The following HOOK2 variants were observed in gnomAD, a reference collection of about 807,000 sequenced individuals.
HOOK2 encodes the protein protein Hook homolog 2.
HOOK2 carries 108 observed loss-of-function variants against 111.9 expected under a neutral mutation model. The observed-to-expected ratio is 0.96, with a 90% CI of 0.83 to 1.13. The LOEUF (loss-of-function observed/expected upper bound fraction) is 1.13, where lower values mean the gene tolerates loss of function less well. HOOK2 is among the 50% of genes most tolerant of loss of function. The pLI, the probability that HOOK2 is intolerant of heterozygous loss-of-function variation, is 0.00. For missense variants in HOOK2, 978 were observed against 951.3 expected (o/e 1.03, Z -0.37); for synonymous variants, 405 against 394.3 (o/e 1.03, Z -0.32).
intron 15 of HOOK2, 24 bp downstream of exon 15, chr19:12,766,079 G>GC: frequency 6.2e-7 from 1 of 1,603,338 alleles, no homozygotes. Context: ...CCTGCTCCGC[G>GC]CAGGTAGGTC....
At position 12,791,710 on chromosome 19, in the gene HOOK2, C is replaced by T. The variant is rs1408041711; in HGVS notation, n.42-17485G>A. The T allele has an allele frequency of 1.6e-5, 20 of 1,277,470 alleles. No individual in the cohort carries two copies. The highest frequency in any genetic ancestry group is 3.9e-4 in the Middle Eastern group (2 of 5,138). The allele number at this position is 1,277,470 out of a possible 1,614,324, so 79.1% of individuals were successfully genotyped here. On this transcript the variant is annotated intron_variant and non_coding_transcript_variant, in intron 3 of 3. Transcript: ENST00000589765. The surrounding 1 kb of genome is among the most constrained non-coding windows in gnomAD (Gnocchi z 7.0). ...TCACCGCAGCGGAGAGCTCGCCGCT[C>T]GCTGCAGCGAGGCCCGGAGCGGCCC...
chr19:12,775,284 A>C, intron 1 of HOOK2, 121 bp downstream of exon 1: 29 of 1,486,022 alleles, frequency 2.0e-5, no homozygotes, highest in Non-Finnish European at 2.5e-5. Context: ...CCAACGGTCC[A>C]GCAAGTCGAC....
chr19:12,775,224 C>T, intron 1 of HOOK2, 181 bp downstream of exon 1: 3 of 985,390 alleles, frequency 3.0e-6, no homozygotes, highest in Non-Finnish European at 3.6e-6. Flanking sequence ...CTCACCTGTC[C>T]TTTCCACGCA....
chr19:12,772,590 G>C (rs1188688847), intron 6 of HOOK2, 23 bp downstream of exon 6: 3 of 1,612,184 alleles, frequency 1.9e-6, no homozygotes, highest in Middle Eastern at 1.7e-4. Flanking sequence ...TTTTCCAATT[G>C]CACACTGAGT....
At position 12,771,385 on chromosome 19, in the gene HOOK2, C is replaced by G; in HGVS notation, c.600+12G>C. 6.2e-7 allele frequency: 1 copy of G among 1,612,424 alleles called. No homozygotes were observed. The highest frequency in any genetic ancestry group is 8.5e-7 in the Non-Finnish European group (1 of 1,179,350). On this transcript the variant is annotated intron_variant, in intron 8 of 22. Coordinates refer to ENST00000397668, the MANE Select transcript of HOOK2 (RefSeq NM_013312.3). ...GGCTACTCAAGTGACCCTGCCCCACCTAGGGCCCTACCTGCCGCTCCAGAT... is the reference window on the plus strand; with the variant it reads ...GGCTACTCAAGTGACCCTGCCCCACGTAGGGCCCTACCTGCCGCTCCAGAT...
Position 12,771,230 on chromosome 19 carries a change from G to T in HOOK2, c.690C>A (p.Thr230=). 1 of 1,611,152 alleles carries T rather than the reference G, an allele frequency of 6.2e-7. No individual in the cohort carries two copies. The highest frequency in any genetic ancestry group is 8.5e-7 in the Non-Finnish European group (1 of 1,178,792). Residue 230 remains threonine, a synonymous_variant, in exon 9 of 23, where the codon ACC becomes ACA. Transcript: ENST00000397668. ...ERMGRPEGEG[T]PGLTAKKLLL... ...GCAGCTTCTTGGCAGTGAGACCTGG[G>T]GTACCCTCGCCTTCAGGCCGGCCCA...
At chr19:12,775,602 C>T, upstream of HOOK2, 1 of 636,978 alleles carries the variant, frequency 1.6e-6, no homozygotes, top group Admixed American at 4.5e-5. Context: ...GCCCCGCCCC[C>T]AAGCCCAGGC....
rs1248636646 is a variant in HOOK2, at chr19:12,765,986, G to C, written c.1540C>G (p.Arg514Gly). ...TTCTGCAGGTCCTCCACCTGGGCCC[G>C]CAGCTCGGATAGCTGCTGCTGGTTC... ...RLNQQQLSELRAQVEDLQKAL... is the reference protein window; with the variant it reads ...RLNQQQLSELGAQVEDLQKAL... The change falls in exon 16 of 23, where the codon CGG becomes GGG. Residue 514 changes from arginine (R) to glycine (G), a missense_variant. This residue lies in a region of HOOK2 where 5 missense variants were observed against 19.0 expected (regional missense o/e 0.26). Transcript: ENST00000397668. 6.2e-7 allele frequency: 1 copy of C among 1,613,798 alleles called. No individual in the cohort carries two copies. The highest frequency in any genetic ancestry group is 2.2e-5 in the East Asian group (1 of 44,892).
rs772682915 is a variant in HOOK2 at position 12,764,801 on chromosome 19, C to T, written c.1827+13G>A. On this transcript the variant is annotated intron_variant, in intron 20 of 22. Coordinates refer to ENST00000397668, the MANE Select transcript of HOOK2 (RefSeq NM_013312.3). The stretch of plus-strand genomic sequence containing the variant: ...CAGGGCAGGCAACTTGTGGGAACAC[C>T]CAGCGTCCTCACCATGCGGGCCTTG... 2.5e-6 allele frequency: 4 copies of T among 1,608,664 alleles called. No homozygotes were observed. The East Asian group carries it at 6.7e-5, about 27-fold the overall frequency.
In HOOK2 at chr19:12,775,421, C is replaced by T. The variant is rs773752828; in HGVS notation, c.29G>A (p.Gly10Glu). The T allele has an allele frequency of 7.4e-6, 12 of 1,612,980 alleles. No individual in the cohort carries two copies. The highest frequency in any genetic ancestry group is 1.0e-5 in the Non-Finnish European group (12 of 1,179,670). ...ACGACCTACCCAGGTGAGCAGAGAC[C>T]CGCATAGCTCAGCTTTGTCCACGCT... is the stretch of plus-strand genomic sequence containing the variant. MSVDKAELCGSLLTWLQTFH... is the reference protein window; with the variant it reads MSVDKAELCESLLTWLQTFH... The change falls in exon 1 of 23, where the codon GGG becomes GAG. Residue 10 changes from glycine to glutamate, a missense_variant. Physicochemically the swap from Gly to Glu is moderately conservative, Grantham distance 98. This residue lies in a region of HOOK2 where 301 missense variants were observed against 286.1 expected (regional missense o/e 1.05). Coordinates refer to ENST00000397668, the MANE Select transcript of HOOK2 (RefSeq NM_013312.3).
At chr19:12,764,483 C>T in intron 20 of HOOK2, 1 of 255,330 alleles carries the variant, frequency 3.9e-6, no homozygotes, top group East Asian at 9.7e-5. Flanking sequence ...GCACCCACCA[C>T]CATGCCCAGC....
rs747775230 is a variant in HOOK2, at chr19:12,766,192, C to T, written c.1422G>A (p.Gln474=). 6.3e-7 allele frequency: 1 copy of T among 1,597,170 alleles called. No homozygotes were observed. Among genetic ancestry groups the T allele is most frequent in the Middle Eastern group, 1.9e-4 (1 of 5,358 alleles). Reference sequence around the variant, plus strand: ...CCTGCCGCTCCCGGTCGGCCGCCTCCTGCCTGCACAGCCGCTTGTTCTCCA... The same window carrying T: ...CCTGCCGCTCCCGGTCGGCCGCCTCTTGCCTGCACAGCCGCTTGTTCTCCA... ...LQLENKRLCR[Q]EAADRERQEE... The change falls in exon 15 of 23, where the codon CAG becomes CAA. Residue 474 remains glutamine (Q), a synonymous_variant. Coordinates refer to ENST00000397668, the MANE Select transcript of HOOK2 (RefSeq NM_013312.3).
chr19:12,782,947 C>T (rs1438018483), upstream of HOOK2, among the ~76,000 whole-genome samples: 3 of 151,700 alleles, frequency 2.0e-5, no homozygotes, highest in Non-Finnish European at 4.4e-5. Context: ...TGTTTCCTTT[C>T]CCCGCCCAGC....
chr19:12,775,503 C>A lies in HOOK2; in HGVS notation c.-54G>T. The A allele has an allele frequency of 6.3e-7, 1 of 1,576,196 alleles. No homozygotes were observed. The highest frequency in any genetic ancestry group is 8.6e-7 in the Non-Finnish European group (1 of 1,164,010). On this transcript the variant is annotated 5_prime_UTR_variant, in exon 1 of 23. Transcript: ENST00000397668. The stretch of plus-strand genomic sequence containing the variant: ...CGGAGCCCCGGCGCCGCAGCAGCCT[C>A]CGGGTCCGCCACCAGCGAGCGCCCG...
In HOOK2 at chr19:12,792,135, G is replaced by A. The variant is rs1431724001; in HGVS notation, n.42-17910C>T. The A allele has an allele frequency of 6.3e-7, 1 of 1,596,534 alleles. No individual in the cohort carries two copies. The highest frequency in any genetic ancestry group is 8.5e-7 in the Non-Finnish European group (1 of 1,172,694). ...CGGGGGTGGCAGCGGTGGAGGTGCA[G>A]GGGGCGCAGGGGGCGGCGTCACCGA... On this transcript the variant is annotated intron_variant and non_coding_transcript_variant, in intron 3 of 3. Transcript: ENST00000589765.
rs953847426 is a variant in HOOK2, at chr19:12,791,824, C to T, written n.42-17599G>A. 2.5e-6 allele frequency: 4 copies of T among 1,613,624 alleles called. No individual in the cohort carries two copies. The highest frequency in any genetic ancestry group is 2.5e-6 in the Non-Finnish European group (3 of 1,179,836). Reference sequence around the variant, plus strand: ...TACCACGACGACTCATACACAGCTACGGGATACGGCCGGGCCCCTGGTGGC... The same window carrying T: ...TACCACGACGACTCATACACAGCTATGGGATACGGCCGGGCCCCTGGTGGC... On this transcript the variant is annotated intron_variant and non_coding_transcript_variant, in intron 3 of 3. Transcript: ENST00000589765. This position sits in a 1 kb window ranked among gnomAD's most constrained non-coding sequence, Gnocchi z 7.0.
upstream of HOOK2, among the ~76,000 whole-genome samples, chr19:12,782,663 G>A (rs1968616253): frequency 6.6e-6 from 1 of 152,172 alleles, no homozygotes; most frequent in African/African-American, 2.4e-5. Context: ...GCGCGTGCGT[G>A]GGCGGTGGCG....
Position 12,766,257 on chromosome 19 carries a change from A to G in HOOK2, c.1374-17T>C. The G allele has an allele frequency of 1.3e-6, 2 of 1,549,584 alleles. No homozygotes were observed. Among genetic ancestry groups the G allele is most frequent in the Non-Finnish European group, 8.7e-7 (1 of 1,153,460 alleles). On this transcript the variant is annotated splice_polypyrimidine_tract_variant and intron_variant, in intron 14 of 22. Transcript: ENST00000397668. ...AGCGTCTCCCTGCAGACCCGGGAGGAGAGAGCAGGGCCAGGGTCGAGTCAC... is the reference window on the plus strand; with the variant it reads ...AGCGTCTCCCTGCAGACCCGGGAGGGGAGAGCAGGGCCAGGGTCGAGTCAC...
upstream of HOOK2, among the ~76,000 whole-genome samples, chr19:12,777,486 A>G (rs1968550402): frequency 6.6e-6 from 1 of 152,210 alleles, no homozygotes; most frequent in South Asian, 2.1e-4. Flanking sequence ...GTTTCAAGAA[A>G]TAAATAAATG....
Sources: gnomAD v4.1 joint callset for allele counts (sites outside exome capture counted in the v4.1 genomes callset) on GRCh38, gnomAD v4.1.1 for gene constraint, gnomAD v4.1.1 regional missense constraint, Gnocchi (gnomAD v3.1) non-coding constraint, MANE v1.5 for transcripts, NCBI Gene and HGNC (gene_info 2026-07-23, HGNC 2026-07-21) for gene names.